PDE3B: variants seen among roughly 807,000 people sequenced by gnomAD.
PDE3B encodes phosphodiesterase 3B.
In PDE3B, 66 loss-of-function variants were observed where a neutral mutation model predicts 116.8. The ratio of observed to expected loss-of-function variants is 0.56; its 90% CI spans 0.46 to 0.69. The LOEUF (loss-of-function observed/expected upper bound fraction) is 0.69. PDE3B is among the 30% of genes least tolerant of loss of function. The pLI is 0.00. For synonymous variants in PDE3B, 595 were observed against 533.6 expected (o/e 1.12, Z -1.59); for missense variants, 1,384 against 1,368.1 (o/e 1.01, Z -0.18).
intron 1 of PDE3B, among the ~76,000 whole-genome samples, chr11:14,727,494 A>G (rs1281324465): frequency 6.6e-6 from 1 of 152,112 alleles, no homozygotes; most frequent in African/African-American, 2.4e-5. Context: ...TCTGTCTTTA[A>G]GTTAACAAAG....
chr11:14,665,372 G>C (rs921052125), intron 1 of PDE3B, among the ~76,000 whole-genome samples: 8 of 152,102 alleles, frequency 5.3e-5, no homozygotes, highest in African/African-American at 9.7e-5. Flanking sequence ...CAGGGATGCT[G>C]TCTCTCACCA....
intron 1 of PDE3B, among the ~76,000 whole-genome samples, chr11:14,721,251 A>C (rs1322251272): frequency 1.3e-5 from 2 of 152,186 alleles, no homozygotes; most frequent in African/African-American, 4.8e-5. Context: ...TTAGAATGGC[A>C]ATCATTAAAA....
At chr11:14,695,453 G>A (rs1042270386) in intron 1 of PDE3B, among the ~76,000 whole-genome samples, 5 of 151,912 alleles carry the variant, frequency 3.3e-5, no homozygotes, top group African/African-American at 9.7e-5. Flanking sequence ...TACTAATTTT[G>A]TTGGCTATAT....
intron 13 of PDE3B, among the ~76,000 whole-genome samples, chr11:14,860,275 C>CA (rs1238226014): frequency 2.0e-5 from 3 of 151,952 alleles, no homozygotes; most frequent in Non-Finnish European, 4.4e-5. Context: ...TGAAGTCTCT[C>CA]AAAAAAATGC....
Position 14,843,923 on chromosome 11 carries a change from T to A in PDE3B, c.2417T>A (p.Ile806Asn), listed in dbSNP as rs1472218678. Residue 806 changes from isoleucine to asparagine, a missense_variant, in exon 12 of 16, where the codon ATT (isoleucine) becomes AAT (asparagine). This residue lies in a region of PDE3B where 428 missense variants were observed against 561.4 expected (regional missense o/e 0.76). Coordinates refer to ENST00000282096, the MANE Select transcript of PDE3B (RefSeq NM_000922.4). ...AGTTATGGCTGCCTGTCTTCAAACA[T>A]TCCTGCATTAGAATTGATGGCTCTA... Reference protein sequence around the residue: ...DESYGCLSSNIPALELMALYV... With the variant: ...DESYGCLSSNNPALELMALYV... 5 of 1,614,066 alleles carry A rather than the reference T, an allele frequency of 3.1e-6. No homozygotes were observed. Among genetic ancestry groups the A allele is most frequent in the Non-Finnish European group, 4.2e-6 (5 of 1,179,918 alleles).
chr11:14,727,007 A>G (rs1484813033), intron 1 of PDE3B, among the ~76,000 whole-genome samples: 1 of 152,162 alleles, frequency 6.6e-6, no homozygotes, highest in Non-Finnish European at 1.5e-5. Context: ...TCTAGCTGTC[A>G]TCAGTTAACT....
intron 1 of PDE3B, among the ~76,000 whole-genome samples, chr11:14,653,930 C>T (rs1853635323): frequency 6.6e-6 from 1 of 151,930 alleles, no homozygotes; most frequent in African/African-American, 2.4e-5. Context: ...CTGGGGAGGT[C>T]GAGGCTGCAG....
intron 1 of PDE3B, among the ~76,000 whole-genome samples, chr11:14,716,120 G>T (rs1205345501): frequency 1.3e-5 from 2 of 152,172 alleles, no homozygotes; most frequent in Non-Finnish European, 2.9e-5. Flanking sequence ...AGCGCAAGGG[G>T]TCAGGGAGTT....
chr11:14,714,408 G>GCAGT (rs1368664856), intron 1 of PDE3B, among the ~76,000 whole-genome samples: 1 of 151,760 alleles, frequency 6.6e-6, no homozygotes, highest in African/African-American at 2.4e-5. Context: ...GGGCGTGGTG[G>GCAGT]CAGTGCCTGT....
intron 7 of PDE3B, among the ~76,000 whole-genome samples, chr11:14,824,759 A>G (rs904764453): frequency 1.3e-5 from 2 of 152,156 alleles, no homozygotes; most frequent in East Asian, 3.9e-4. Context: ...AGAGGCCAAC[A>G]CCCAAACTCA....
At chr11:14,777,150 T>C (rs1184475294) in intron 2 of PDE3B, among the ~76,000 whole-genome samples, 2 of 152,124 alleles carry the variant, frequency 1.3e-5, no homozygotes, top group South Asian at 4.1e-4. Flanking sequence ...ACAGTGGAGA[T>C]GACAGTAGGA....
intron 12 of PDE3B, among the ~76,000 whole-genome samples, chr11:14,845,175 G>A (rs530264963): frequency 1.3e-5 from 2 of 151,960 alleles, no homozygotes; most frequent in Admixed American, 1.3e-4. Context: ...AGCGTTCACG[G>A]TTCACGAAAA....
chr11:14,841,339 C>A lies in PDE3B; in HGVS notation c.2321-2488C>A, dbSNP rs1417778857. ...TAAATCTCTCTCTCTCTCCCTCTCT[C>A]TCTCTCTCTATATATATATATAAAA... On this transcript the variant is annotated intron_variant, in intron 11 of 15. Coordinates refer to ENST00000282096, the MANE Select transcript of PDE3B (RefSeq NM_000922.4). Among the ~76,000 whole-genome samples, 3 of 146,218 alleles carry A rather than the reference C, an allele frequency of 2.1e-5. No individual in the cohort carries two copies. The East Asian group carries it at 5.9e-4, about 29-fold the overall frequency.
intron 1 of PDE3B, among the ~76,000 whole-genome samples, chr11:14,717,314 G>A (rs1855933401): frequency 8.1e-6 from 1 of 123,690 alleles, no homozygotes; most frequent in African/African-American, 3.1e-5. Flanking sequence ...TGAAAGTGAG[G>A]GGGAGAATGG....
intron 1 of PDE3B, among the ~76,000 whole-genome samples, chr11:14,745,602 G>A (rs1416503758): frequency 6.6e-6 from 1 of 152,154 alleles, no homozygotes; most frequent in Non-Finnish European, 1.5e-5. Flanking sequence ...CTACTAGTTA[G>A]CTGGAATTCA....
chr11:14,664,813 T>A (rs577649483), intron 1 of PDE3B, among the ~76,000 whole-genome samples: 102 of 152,228 alleles, frequency 6.7e-4, no homozygotes, highest in African/African-American at 2.4e-3. Context: ...ACCAGATGGA[T>A]TCACAGCCGA....
At chr11:14,836,277 T>C (rs549013139) in intron 11 of PDE3B, among the ~76,000 whole-genome samples, 4 of 152,326 alleles carry the variant, frequency 2.6e-5, no homozygotes, top group South Asian at 4.1e-4. Flanking sequence ...CTTGTGACTT[T>C]CACAGTTTTT....
chr11:14,734,632 T>C (rs757486146), intron 1 of PDE3B, among the ~76,000 whole-genome samples: 7 of 152,206 alleles, frequency 4.6e-5, no homozygotes, highest in Non-Finnish European at 7.3e-5. Context: ...AATATTGAAT[T>C]AATCTTGAAC....
Position 14,644,309 on chromosome 11 carries a change from G to A in PDE3B, c.234G>A (p.Ala78=), listed in dbSNP as rs1290697534. ...QPRRCSPFCR[A]RLSLGALAAF... ...GGCGCTGCTCCCCCTTCTGCCGGGC[G>A]CGCCTCTCGCTGGGCGCCCTGGCTG... is the stretch of plus-strand genomic sequence containing the variant. Residue 78 remains alanine, a synonymous_variant, in exon 1 of 16, where the codon GCG becomes GCA. Transcript: ENST00000282096. 6.4e-7 allele frequency: 1 copy of A among 1,565,126 alleles called. No individual in the cohort carries two copies. The highest frequency in any genetic ancestry group is 1.8e-5 in the Admixed American group (1 of 54,582).
Sources: gnomAD v4.1 joint callset for allele counts (sites outside exome capture counted in the v4.1 genomes callset) on GRCh38, gnomAD v4.1.1 for gene constraint, gnomAD v4.1.1 regional missense constraint, MANE v1.5 for transcripts, NCBI Gene and HGNC (gene_info 2026-07-23, HGNC 2026-07-21) for gene names.